COL6A5: variants seen among roughly 807,000 people sequenced by gnomAD.
The protein encoded by COL6A5 is collagen type VI alpha 5 chain.
Under a neutral mutation model 65.6 loss-of-function variants are expected in COL6A5, and 48 were observed. That is an observed-to-expected ratio of 0.73 (90% CI 0.58 to 0.93). The LOEUF is 0.93. COL6A5 is among the 40% of genes least tolerant of loss of function. COL6A5 has a pLI of 0.00. For synonymous variants in COL6A5, 291 were observed against 322.8 expected, an observed-to-expected ratio of 0.90 and a Z score of 1.05; for missense variants, 914 against 928.3, an observed-to-expected ratio of 0.98 and a Z score of 0.20.
chr3:130,380,498 G>A (rs1935959880), intron 4 of COL6A5, among the ~76,000 whole-genome samples: 2 of 151,748 alleles, frequency 1.3e-5, no homozygotes, highest in African/African-American at 4.8e-5. Flanking sequence ...TGCACACATA[G>A]ACAAATACAC....
At chr3:130,402,303 C>T (rs747464423) in intron 12 of COL6A5, among the ~76,000 whole-genome samples, 5 of 152,158 alleles carry the variant, frequency 3.3e-5, no homozygotes, top group Non-Finnish European at 4.4e-5. Context: ...AGTTGTGCTT[C>T]ATCAGTAACA....
chr3:130,393,522 G>A (rs143985847), intron 7 of COL6A5, among the ~76,000 whole-genome samples: 7 of 152,184 alleles, frequency 4.6e-5, no homozygotes, highest in African/African-American at 9.6e-5. Context: ...CAAAACTGGC[G>A]CATTACTAAG....
chr3:130,456,494 A>G (rs921706172), intron 5 of COL6A5, among the ~76,000 whole-genome samples: 1 of 152,158 alleles, frequency 6.6e-6, no homozygotes, highest in African/African-American at 2.4e-5. Flanking sequence ...GATGATTCTC[A>G]TCATTCCATG....
At chr3:130,347,720 A>C (rs755176089) in intron 1 of COL6A5, among the ~76,000 whole-genome samples, 1 of 152,198 alleles carries the variant, frequency 6.6e-6, no homozygotes, top group Non-Finnish European at 1.5e-5. Context: ...ACCCCGGAGC[A>C]TATACTCAGA....
chr3:130,369,585 G>C (rs1255735672), intron 1 of COL6A5, among the ~76,000 whole-genome samples: 2 of 152,122 alleles, frequency 1.3e-5, no homozygotes, highest in African/African-American at 4.8e-5. Flanking sequence ...TTATAAAATA[G>C]ATTGCCCCAT....
At chr3:130,444,327 TTAAAG>T (rs1473722478) in intron 4 of COL6A5, among the ~76,000 whole-genome samples, 1 of 152,006 alleles carries the variant, frequency 6.6e-6, no homozygotes, top group Non-Finnish European at 1.5e-5. Flanking sequence ...GATTAAGAGA[TTAAAG>T]TAAAGACAGG....
chr3:130,395,071 G>A, exon 8 of COL6A5: 2 of 1,551,662 alleles, frequency 1.3e-6, no homozygotes, highest in Non-Finnish European at 1.7e-6. Context: ...GTATTATTGA[G>A]TTGAAAAACT....
intron 1 of COL6A5, among the ~76,000 whole-genome samples, chr3:130,354,537 C>T (rs1934852630): frequency 6.6e-6 from 1 of 152,188 alleles, no homozygotes; most frequent in East Asian, 1.9e-4. Context: ...GGGCTCACTC[C>T]AAAGCTGCTG....
intron 1 of COL6A5, among the ~76,000 whole-genome samples, chr3:130,359,470 A>G (rs1935037579): frequency 6.6e-6 from 1 of 152,102 alleles, no homozygotes; most frequent in Non-Finnish European, 1.5e-5. Flanking sequence ...CACAAGGAAA[A>G]AAATGTAATT....
chr3:130,401,382 A>G (rs1158661718), intron 11 of COL6A5, among the ~76,000 whole-genome samples: 6 of 152,214 alleles, frequency 3.9e-5, no homozygotes, highest in African/African-American at 1.2e-4. Flanking sequence ...ATGAATGCAT[A>G]AGTAACTAAA....
chr3:130,421,412 A>G, intron 27 of COL6A5, 52 bp downstream of exon 27: 1 of 1,515,388 alleles, frequency 6.6e-7, no homozygotes, highest in South Asian at 1.2e-5. Flanking sequence ...CTTCTACTTG[A>G]GAACTGAGAT....
At chr3:130,437,939 T>A (rs940178295) in intron 1 of COL6A5, among the ~76,000 whole-genome samples, 1 of 152,164 alleles carries the variant, frequency 6.6e-6, no homozygotes, top group African/African-American at 2.4e-5. Flanking sequence ...TTTTATTATG[T>A]TGATGATATA....
intron 1 of COL6A5, among the ~76,000 whole-genome samples, chr3:130,437,059 C>T (rs192188272): frequency 6.6e-6 from 1 of 152,190 alleles, no homozygotes; most frequent in East Asian, 1.9e-4. Flanking sequence ...CAACGTACAG[C>T]CCTCTTCATC....
intron 23 of COL6A5, 41 bp from the exon 24 acceptor site, chr3:130,416,716 T>C: frequency 8.8e-7 from 1 of 1,141,620 alleles, no homozygotes; most frequent in South Asian, 1.4e-5. Context: ...TTCTAAGAAT[T>C]ACTACGGTGC....
intron 3 of COL6A5, 25 bp downstream of exon 35, chr3:130,440,850 CT>C (rs775227237): frequency 3.3e-5 from 52 of 1,560,966 alleles, no homozygotes; most frequent in African/African-American, 5.4e-5. Context: ...CATTGTTTGT[CT>C]TTTTTTTAAT....
At position 130,385,359 on chromosome 3, in the gene COL6A5, A is replaced by T. The variant is rs1183434926; in HGVS notation, c.1856A>T (p.Glu619Val). The change falls in exon 5 of 42, where the codon GAA (glutamate) becomes GTA (valine). Residue 619 changes from glutamate (E) to valine (V), a missense_variant and NMD_transcript_variant. Physicochemically the swap from Glu to Val is moderately radical, Grantham distance 121. Transcript: ENST00000312481. ...GAAGTCGTTCGTGAAATCTGCGCTG[A>T]AAAAGGTAAGCAACACAAAAAAGGC... 1.3e-6 allele frequency: 2 copies of T among 1,549,024 alleles called. No individual in the cohort carries two copies.
intron 28 of COL6A5, 46 bp from the exon 29 acceptor site, chr3:130,423,792 G>A: frequency 7.0e-7 from 1 of 1,427,484 alleles, no homozygotes; most frequent in Non-Finnish European, 9.6e-7. Context: ...AGTCCCCATA[G>A]ATAGACAGTG....
At chr3:130,419,769 G>A (rs1311150320) in intron 25 of COL6A5, among the ~76,000 whole-genome samples, 1 of 152,060 alleles carries the variant, frequency 6.6e-6, no homozygotes, top group Admixed American at 6.6e-5. Context: ...GTGGTAACTA[G>A]GGAGATGTTG....
At chr3:130,385,226 G>A in exon 5 of COL6A5, 5 of 1,551,042 alleles carry the variant, frequency 3.2e-6, no homozygotes, top group Non-Finnish European at 4.4e-6. Flanking sequence ...CACTGTTCAT[G>A]CAGTTGGCAT....
Sources: allele counts gnomAD v4.1 joint callset (sites outside exome capture counted in the v4.1 genomes callset), GRCh38; gene constraint gnomAD v4.1.1; transcripts MANE v1.5; gene names NCBI Gene and HGNC (gene_info 2026-07-23, HGNC 2026-07-21).